Variants in LIN9 observed in about 807,000 individuals in gnomAD.
The protein encoded by LIN9 is lin-9 DREAM MuvB core complex component.
In LIN9, 18 loss-of-function variants were observed where a neutral mutation model predicts 78.0. The observed-to-expected ratio is 0.23, with a 90% CI of 0.16 to 0.34. The LOEUF is 0.34. LIN9 is among the 10% of genes least tolerant of loss of function. The probability of loss-of-function intolerance (pLI) is 1.00; values close to 1 mark genes in which losing one functional copy is unlikely to be tolerated. For synonymous variants in LIN9, 192 were observed against 215.2 expected, an observed-to-expected ratio of 0.89 and a Z score of 0.94; for missense variants, 451 against 644.1, an observed-to-expected ratio of 0.70 and a Z score of 3.25.
Position 226,268,077 on chromosome 1 carries a change from A to G in LIN9, c.696T>C (p.Gly232=), listed in dbSNP as rs766592881. ...GTCCAGTGAACAAACCATCATGAAC[A>G]CCACGTAATCGTGCTGAGAAAAGAA... The part of the protein sequence containing the change: ...IGTKVTARLR[G]VHDGLFTGQI... Residue 232 remains glycine, a synonymous_variant, in exon 8 of 15, where the codon GGT becomes GGC. Transcript: ENST00000681046. 1 of 1,613,672 alleles carries G rather than the reference A, an allele frequency of 6.2e-7. No individual in the cohort carries two copies. The highest frequency in any genetic ancestry group is 1.3e-5 in the African/African-American group (1 of 75,040).
intron 7 of LIN9, among the ~76,000 whole-genome samples, chr1:226,272,538 C>A (rs1475124573): frequency 7.3e-6 from 1 of 137,050 alleles, no homozygotes; most frequent in Non-Finnish European, 1.6e-5. Flanking sequence ...CCATGCTTGA[C>A]CTTTTTTTTT....
intron 4 of LIN9, among the ~76,000 whole-genome samples, chr1:226,295,475 T>C (rs1217300452): frequency 1.3e-5 from 2 of 151,154 alleles, no homozygotes; most frequent in Non-Finnish European, 2.9e-5. Flanking sequence ...AATAAACATA[T>C]ATATATATAT....
chr1:226,309,127 C>A lies in LIN9; in HGVS notation c.13G>T (p.Asp5Tyr), dbSNP rs1488199264. The change falls in exon 1 of 15, where the codon GAC becomes TAC. Residue 5 changes from aspartate (D) to tyrosine (Y), a missense_variant. By Grantham distance (160) the Asp-to-Tyr change is radical. Transcript: ENST00000681046. The stretch of plus-strand genomic sequence containing the variant: ...TACTCACTCTCGTCAGGCAACTGGT[C>A]GAGCTCCGCCATCTTGAACGAGCCG... MAELDQLPDESSSAK... is the reference protein window; with the variant it reads MAELYQLPDESSSAK... 2 of 1,343,646 alleles carry A rather than the reference C, an allele frequency of 1.5e-6. No individual in the cohort carries two copies. Among genetic ancestry groups the A allele is most frequent in the Admixed American group, 2.9e-5 (1 of 34,508 alleles). 83.2% of individuals were successfully genotyped at this position (1,343,646 alleles called of 1,614,324 possible). A position where few individuals can be genotyped will look rare whatever the true frequency, so the allele number is the denominator to read the frequency against.
intron 7 of LIN9, among the ~76,000 whole-genome samples, chr1:226,271,681 G>A (rs970660652): frequency 3.9e-5 from 6 of 152,130 alleles, no homozygotes; most frequent in East Asian, 1.9e-4. Flanking sequence ...GAAGTGAGGT[G>A]TTAAAATCTA....
At chr1:226,289,835 G>GGC (rs61469468) in intron 4 of LIN9, among the ~76,000 whole-genome samples, 1 of 23,332 alleles carries the variant, frequency 4.3e-5, no homozygotes, top group Non-Finnish European at 7.5e-5. Flanking sequence ...GTAGTCCTCC[G>GGC]GGGGGGGGGG....
At chr1:226,307,377 A>T (rs1662980348) in intron 1 of LIN9, among the ~76,000 whole-genome samples, 1 of 152,242 alleles carries the variant, frequency 6.6e-6, no homozygotes, top group Admixed American at 6.5e-5. Context: ...TCACGCCTGT[A>T]ATCCCAGCAC....
rs938275195 is a variant in LIN9, at chr1:226,287,650, G to A, written c.398+14C>T. ...GATTCAAGTAATATTCATAATATAA[G>A]CCATGATACATACTTATCTATATTT... On this transcript the variant is annotated intron_variant, in intron 5 of 14. Coordinates refer to ENST00000681046, the MANE Select transcript of LIN9 (RefSeq NM_001366245.2). The A allele has an allele frequency of 3.3e-6, 5 of 1,498,464 alleles. No homozygotes were observed. The highest frequency in any genetic ancestry group is 4.5e-6 in the Non-Finnish European group (5 of 1,121,282). The allele number at this position is 1,498,464 out of a possible 1,614,324, so 92.8% of individuals were successfully genotyped here.
chr1:226,254,060 T>C (rs1659030344), intron 10 of LIN9, among the ~76,000 whole-genome samples: 2 of 152,068 alleles, frequency 1.3e-5, no homozygotes, highest in Non-Finnish European at 2.9e-5. Context: ...GACTCCTGAG[T>C]AGTAGGGACT....
chr1:226,281,152 G>A (rs1191266841), intron 6 of LIN9, among the ~76,000 whole-genome samples: 1 of 152,182 alleles, frequency 6.6e-6, no homozygotes, highest in African/African-American at 2.4e-5. Context: ...TATGCTAAGT[G>A]TAATAAGCCA....
chr1:226,246,573 G>C (rs1463928652), intron 11 of LIN9, among the ~76,000 whole-genome samples: 2 of 151,594 alleles, frequency 1.3e-5, no homozygotes, highest in Non-Finnish European at 2.9e-5. Flanking sequence ...ATGAGGTCAG[G>C]AGATCGAGAC....
rs757365386 is a variant in LIN9, at chr1:226,233,471, C to T, written c.1298G>A (p.Arg433His). ...TTCCTGTGCTTCTTCCTCACACCTG[C>T]GTCTCATATCTGTTGGCTGATCTGC... ...QPADQPTDMR[R>H]RCEEEAQEIV... Residue 433 changes from arginine to histidine, a missense_variant, in exon 13 of 15, where the codon CGC becomes CAC. Coordinates refer to ENST00000681046, the MANE Select transcript of LIN9 (RefSeq NM_001366245.2). 1.2e-5 allele frequency: 19 copies of T among 1,614,010 alleles called. No homozygotes were observed. In the Admixed American group the frequency reaches 2.3e-4, roughly 20 times the overall value.
chr1:226,297,904 C>A, intron 2 of LIN9, 91 bp from the exon 3 acceptor site: 2 of 503,970 alleles, frequency 4.0e-6, no homozygotes, highest in Admixed American at 3.3e-5. Flanking sequence ...AGCCATATAT[C>A]TAAAATATTT....
intron 10 of LIN9, among the ~76,000 whole-genome samples, chr1:226,254,971 C>T (rs1170102476): frequency 6.7e-6 from 1 of 149,360 alleles, no homozygotes; most frequent in Non-Finnish European, 1.5e-5. Context: ...AAATTGAGGG[C>T]CAAGGCAAAC....
At chr1:226,247,383 T>C (rs567957574) in intron 11 of LIN9, among the ~76,000 whole-genome samples, 9 of 152,206 alleles carry the variant, frequency 5.9e-5, no homozygotes, top group African/African-American at 2.2e-4. Context: ...TTAGATACTA[T>C]ATATAAAAAT....
chr1:226,288,258 C>A (rs1661497968), intron 4 of LIN9, among the ~76,000 whole-genome samples: 2 of 152,166 alleles, frequency 1.3e-5, no homozygotes. Flanking sequence ...TGGTGTGAGC[C>A]ACAGCGCCCA....
intron 10 of LIN9, among the ~76,000 whole-genome samples, chr1:226,262,075 CACAA>C (rs760874044): frequency 3.9e-5 from 6 of 152,150 alleles, no homozygotes; most frequent in African/African-American, 7.2e-5. Context: ...ACTGGACATC[CACAA>C]ACAAACAACA....
intron 7 of LIN9, among the ~76,000 whole-genome samples, chr1:226,270,709 C>G (rs1329186980): frequency 6.6e-6 from 1 of 150,864 alleles, no homozygotes; most frequent in African/African-American, 2.4e-5. Flanking sequence ...CCTGTAGTCC[C>G]TGGAGGCTGA....
At chr1:226,258,061 G>A (rs114892870) in intron 10 of LIN9, among the ~76,000 whole-genome samples, 206 of 152,136 alleles carry the variant, frequency 1.4e-3, no homozygotes, top group African/African-American at 4.7e-3. Flanking sequence ...TCTTGTGCCT[G>A]TAGTCCCAGC....
intron 7 of LIN9, among the ~76,000 whole-genome samples, chr1:226,275,714 AAAAAAAG>A (rs1361333653): frequency 2.8e-5 from 4 of 143,974 alleles, no homozygotes; most frequent in South Asian, 2.3e-4. Context: ...AAAAAAAAAG[AAAAAAAG>A]AAAAAATAGC....
Sources: gnomAD v4.1 joint callset for allele counts (sites outside exome capture counted in the v4.1 genomes callset) on GRCh38, gnomAD v4.1.1 for gene constraint, MANE v1.5 for transcripts, NCBI Gene and HGNC (gene_info 2026-07-23, HGNC 2026-07-21) for gene names.